SRGAP2B: variants seen among roughly 807,000 people sequenced by gnomAD.
SRGAP2B encodes the protein SLIT-ROBO Rho GTPase activating protein 2B.
SRGAP2B carries 9 observed loss-of-function variants against 22.2 expected under a neutral mutation model. The observed-to-expected ratio is 0.41, with a 90% CI of 0.24 to 0.71. The LOEUF (loss-of-function observed/expected upper bound fraction) is 0.71, where lower values mean the gene tolerates loss of function less well. SRGAP2B is among the 30% of genes least tolerant of loss of function. The probability of loss-of-function intolerance (pLI) is 0.35; values close to 1 mark genes in which losing one functional copy is unlikely to be tolerated. For missense variants in SRGAP2B, 114 were observed against 235.8 expected (o/e 0.48, Z 3.38); for synonymous variants, 36 against 87.4 (o/e 0.41, Z 3.28).
intron 3 of SRGAP2B, among the ~76,000 whole-genome samples, chr1:144,976,701 G>T (rs1668932514): frequency 7.1e-6 from 1 of 141,298 alleles, no homozygotes; most frequent in Admixed American, 6.9e-5. Context: ...ACAGAAGCCA[G>T]CTTGAAGGGA....
rs1458303779 is a variant in SRGAP2B, at chr1:144,902,623, G to C, written c.831+2468C>G. Among the ~76,000 whole-genome samples the C allele has an allele frequency of 2.2e-5, 3 of 139,304 alleles. No individual in the cohort carries two copies. The East Asian group carries it at 6.3e-4, about 29-fold the overall frequency. The allele number at this position is 139,304 out of a possible 152,430, so 91.4% of individuals were successfully genotyped here. A position where few individuals can be genotyped will look rare whatever the true frequency, so the allele number is the denominator to read the frequency against. On this transcript the variant is annotated intron_variant, in intron 7 of 9. Coordinates refer to ENST00000612199, the Ensembl canonical transcript of SRGAP2B. ...AAAAAATACAAAAAATTAGCTGGGC[G>C]TGGTGGCGGGTGCCTGTAGTCCCAG...
At chr1:144,926,615 G>C (rs1439021915) in intron 4 of SRGAP2B, among the ~76,000 whole-genome samples, 5 of 151,458 alleles carry the variant, frequency 3.3e-5, no homozygotes, top group African/African-American at 1.2e-4. Flanking sequence ...GCAGCACTTT[G>C]GAAGGCCAAG....
intron 4 of SRGAP2B, among the ~76,000 whole-genome samples, chr1:144,915,897 C>G (rs1282101436): frequency 6.7e-6 from 1 of 149,632 alleles, no homozygotes; most frequent in African/African-American, 2.5e-5. Context: ...CCTTCTAGAT[C>G]TTTCCTACCA....
intron 2 of SRGAP2B, among the ~76,000 whole-genome samples, chr1:145,019,971 C>A (rs1435476684): frequency 6.6e-6 from 1 of 151,178 alleles, no homozygotes; most frequent in South Asian, 2.1e-4. Context: ...AGGGCTCCAC[C>A]TTAAGGCCTT....
At position 144,939,382 on chromosome 1, in the gene SRGAP2B, A is replaced by G. The variant is rs141334853; in HGVS notation, c.423+16057T>C. Among the ~76,000 whole-genome samples the G allele has an allele frequency of 6.5e-3, 987 of 150,718 alleles. 15 individuals are homozygous for G. The highest frequency in any genetic ancestry group is 0.011 in the Admixed American group (169 of 15,190). On this transcript the variant is annotated intron_variant, in intron 4 of 9. Transcript: ENST00000612199. The stretch of plus-strand genomic sequence containing the variant: ...ACATCGGCCCAATTCTTTCCCCTCT[A>G]TGAAGCTCTCCTGACTTACTTTTCA...
chr1:145,080,855 G>A (rs587621620), intron 2 of SRGAP2B, among the ~76,000 whole-genome samples: 12 of 149,606 alleles, frequency 8.0e-5, no homozygotes, highest in South Asian at 2.1e-4. Flanking sequence ...CAGCCAGGCC[G>A]ATCTTCAACG....
chr1:145,020,499 C>T (rs1553623874), intron 2 of SRGAP2B, among the ~76,000 whole-genome samples: 1 of 144,282 alleles, frequency 6.9e-6, no homozygotes, highest in African/African-American at 2.7e-5. Flanking sequence ...ACTCCCCTCA[C>T]AACTACCCAG....
chr1:145,069,356 CT>C (rs1330586721), intron 2 of SRGAP2B, among the ~76,000 whole-genome samples: 51 of 118,942 alleles, frequency 4.3e-4, no homozygotes, highest in African/African-American at 1.6e-3. Flanking sequence ...ATTCAGTGAC[CT>C]TTTGACAGCC....
At position 144,950,733 on chromosome 1, in the gene SRGAP2B, C is replaced by T. The variant is rs1394205447; in HGVS notation, c.423+4706G>A. On this transcript the variant is annotated intron_variant, in intron 4 of 9. Transcript: ENST00000612199. ...CAGAGAAAATCCAGGATTTTCTCTT[C>T]TCTGTACAACATACTTAGAGAATCC... Among the ~76,000 whole-genome samples, 3 of 149,694 alleles carry T rather than the reference C, an allele frequency of 2.0e-5. No homozygotes were observed. The East Asian group carries it at 5.9e-4, about 29-fold the overall frequency.
chr1:145,019,925 G>A (rs1672669923), intron 2 of SRGAP2B, among the ~76,000 whole-genome samples: 1 of 150,848 alleles, frequency 6.6e-6, no homozygotes, highest in Non-Finnish European at 1.5e-5. Flanking sequence ...TGGCCTTCTT[G>A]CCATTCCTCA....
intron 7 of SRGAP2B, among the ~76,000 whole-genome samples, chr1:144,899,149 AC>A (rs1662497630): frequency 6.7e-6 from 1 of 149,896 alleles, no homozygotes; most frequent in Non-Finnish European, 1.5e-5. Flanking sequence ...CCTTCAAAAA[AC>A]TTTTACCTGT....
chr1:144,917,825 C>G (rs1553603956), intron 4 of SRGAP2B: 1 of 89,642 alleles, frequency 1.1e-5, no homozygotes, highest in Non-Finnish European at 2.0e-5. Flanking sequence ...AGTGTCTCTC[C>G]TTTCACAGAT....
intron 2 of SRGAP2B, among the ~76,000 whole-genome samples, chr1:145,070,204 TC>T (rs1651987629): frequency 7.0e-6 from 1 of 143,750 alleles, no homozygotes; most frequent in African/African-American, 2.7e-5. Context: ...CTCCAATTTC[TC>T]ATTCTCAGCT....
In SRGAP2B at chr1:145,076,523, A is replaced by C. The variant is rs1409784956; in HGVS notation, c.67+16312T>G. Among the ~76,000 whole-genome samples the C allele has an allele frequency of 2.0e-5, 3 of 150,144 alleles. 1 individual carries two copies. Among genetic ancestry groups the C allele is most frequent in the African/African-American group, 5.0e-5 (2 of 40,038 alleles). ...CAACAACCTGAATGAGTCTTCAGAC[A>C]CTTGTGCTGAGTGAAAAAAAAAGGC... On this transcript the variant is annotated intron_variant, in intron 2 of 9. Transcript: ENST00000612199.
At chr1:145,010,715 G>T (rs1466038620) in intron 2 of SRGAP2B, among the ~76,000 whole-genome samples, 1 of 150,454 alleles carries the variant, frequency 6.6e-6, no homozygotes, top group African/African-American at 2.5e-5. Context: ...TTCTGTTTAT[G>T]TGTACCAAAT....
chr1:144,940,751 C>G (rs587765570), intron 4 of SRGAP2B, among the ~76,000 whole-genome samples: 5,043 of 138,582 alleles, frequency 0.036, 396 homozygotes, highest in African/African-American at 0.13. Flanking sequence ...TGCAGTGAGC[C>G]AAGATCACGC....
chr1:144,956,740 G>A (rs587594955), intron 3 of SRGAP2B, among the ~76,000 whole-genome samples: 3 of 150,022 alleles, frequency 2.0e-5, no homozygotes, highest in Non-Finnish European at 2.9e-5. Flanking sequence ...GAGCCACCGC[G>A]CCCGGCCCTA....
At chr1:145,006,283 G>A (rs1187043680) in intron 2 of SRGAP2B, among the ~76,000 whole-genome samples, 2 of 150,832 alleles carry the variant, frequency 1.3e-5, no homozygotes. Context: ...TGCCCCAGTG[G>A]ACTGTTCAGA....
At chr1:144,984,374 A>AAC (rs1669563741) in intron 3 of SRGAP2B, among the ~76,000 whole-genome samples, 1 of 148,278 alleles carries the variant, frequency 6.7e-6, no homozygotes, top group African/African-American at 2.6e-5. Flanking sequence ...ACAAAAAAAA[A>AAC]AAAACAAAAA....
Sources: gnomAD v4.1 joint callset for allele counts (sites outside exome capture counted in the v4.1 genomes callset) on GRCh38, gnomAD v4.1.1 for gene constraint, MANE v1.5 for transcripts, NCBI Gene and HGNC (gene_info 2026-07-23, HGNC 2026-07-21) for gene names.